SEC24B: variants seen among roughly 807,000 people sequenced by gnomAD.
SEC24B encodes SEC24 homolog B, COPII component, also known as protein transport protein Sec24B.
In SEC24B, 45 loss-of-function variants were observed where a neutral mutation model predicts 142.8. The ratio of observed to expected loss-of-function variants is 0.32; its 90% CI spans 0.25 to 0.40. The LOEUF is 0.40. SEC24B is among the 10% of genes least tolerant of loss of function. The pLI is 1.00. For synonymous variants in SEC24B, 574 were observed against 568.2 expected (o/e 1.01, Z -0.15); for missense variants, 1,409 against 1,526.8 (o/e 0.92, Z 1.29).
chr4:109,530,060 A>T (rs1724726036), intron 18 of SEC24B, among the ~76,000 whole-genome samples: 1 of 152,164 alleles, frequency 6.6e-6, no homozygotes, highest in African/African-American at 2.4e-5. Flanking sequence ...GACTTAAGAG[A>T]TTAAAACAAA....
At chr4:109,439,145 C>T (rs1728676003) in intron 1 of SEC24B, among the ~76,000 whole-genome samples, 1 of 152,080 alleles carries the variant, frequency 6.6e-6, no homozygotes, top group African/African-American at 2.4e-5. Context: ...AGTTTTATCA[C>T]TTTAATTGTT....
At position 109,534,956 on chromosome 4, in the gene SEC24B, G is replaced by A. The variant is rs187539072; in HGVS notation, c.3588+1271G>A. Among the ~76,000 whole-genome samples, 121 of 152,276 alleles carry A rather than the reference G, an allele frequency of 7.9e-4. 2 individuals carry two copies. The South Asian group carries it at 0.021, about 26-fold the overall frequency. On this transcript the variant is annotated intron_variant, in intron 22 of 23. Coordinates refer to ENST00000265175, the MANE Select transcript of SEC24B (RefSeq NM_006323.5). The stretch of plus-strand genomic sequence containing the variant: ...GCCTCCCAGAGTGCTGGGATTACAG[G>A]TGTGAGCCACGGTGCTTGGCCAGTT...
intron 10 of SEC24B, among the ~76,000 whole-genome samples, chr4:109,515,554 C>A (rs578236156): frequency 3.0e-4 from 46 of 152,102 alleles, no homozygotes; most frequent in South Asian, 6.2e-4. Flanking sequence ...TCTCAAACTC[C>A]TGGGCCCGAG....
chr4:109,533,751 T>C (rs903951027), intron 22 of SEC24B, 66 bp downstream of exon 22: 14 of 952,632 alleles, frequency 1.5e-5, no homozygotes, highest in Non-Finnish European at 2.2e-5. Flanking sequence ...GTAAAATTCA[T>C]GTAATATTCA....
chr4:109,466,542 C>G (rs920206502), intron 2 of SEC24B, among the ~76,000 whole-genome samples: 3 of 152,180 alleles, frequency 2.0e-5, no homozygotes, highest in Admixed American at 2.0e-4. Flanking sequence ...TGCCGAGTAG[C>G]TGGGACTAGC....
chr4:109,465,855 G>C (rs1731802580), intron 2 of SEC24B, among the ~76,000 whole-genome samples: 1 of 152,098 alleles, frequency 6.6e-6, no homozygotes, highest in Non-Finnish European at 1.5e-5. Flanking sequence ...TAGGCAGAGA[G>C]GCAGGATATA....
chr4:109,483,036 A>T lies in SEC24B; in HGVS notation c.1165+1255A>T, dbSNP rs1445149963. Among the ~76,000 whole-genome samples the T allele has an allele frequency of 4.6e-4, 50 of 108,668 alleles. 2 individuals are homozygous for T. The highest frequency in any genetic ancestry group is 3.9e-3 in the African/African-American group (48 of 12,344). 71.3% of individuals were successfully genotyped at this position (108,668 alleles called of 152,430 possible). ...ACATATGTTTTTTATATATGTATTT[A>T]TATATATGTATTTATGTATTTATAT... On this transcript the variant is annotated intron_variant, in intron 4 of 23. Transcript: ENST00000265175.
chr4:109,470,348 A>G (rs1732382814), intron 2 of SEC24B, among the ~76,000 whole-genome samples: 1 of 152,210 alleles, frequency 6.6e-6, no homozygotes, highest in Non-Finnish European at 1.5e-5. Flanking sequence ...CTAAGATTCT[A>G]CTTTCTAACA....
chr4:109,468,539 A>C (rs1274407492), intron 2 of SEC24B, among the ~76,000 whole-genome samples: 3 of 152,240 alleles, frequency 2.0e-5, no homozygotes, highest in Non-Finnish European at 4.4e-5. Context: ...AGCCATTAAA[A>C]GTTTATAAGC....
At chr4:109,482,979 T>TATATATACAC (rs781527364) in intron 4 of SEC24B, among the ~76,000 whole-genome samples, 5 of 26,414 alleles carry the variant, frequency 1.9e-4, no homozygotes, top group Non-Finnish European at 3.8e-4. Flanking sequence ...TATATATATA[T>TATATATACAC]ACACACACAC....
At chr4:109,475,042 G>C (rs1343099929) in intron 3 of SEC24B, among the ~76,000 whole-genome samples, 1 of 152,146 alleles carries the variant, frequency 6.6e-6, no homozygotes, top group Non-Finnish European at 1.5e-5. Context: ...CAAAGCAAAA[G>C]ATTTTTTAAC....
rs113142388 is a variant in SEC24B, at chr4:109,449,294, G to C, written c.134-13607G>C. The C allele has an allele frequency of 9.7e-3, 3,255 of 335,516 alleles. 108 individuals are homozygous for C. Among genetic ancestry groups the C allele is most frequent in the African/African-American group, 0.066 (3,028 of 45,560 alleles). 20.8% of individuals were successfully genotyped at this position (335,516 alleles called of 1,614,324 possible). Reference sequence around the variant, plus strand: ...GTTGGAGTATAGTGGCTCAATCATGGTTCACTGAAGCCTTGACCTCCCAGG... The same window carrying C: ...GTTGGAGTATAGTGGCTCAATCATGCTTCACTGAAGCCTTGACCTCCCAGG... On this transcript the variant is annotated intron_variant, in intron 1 of 23. Transcript: ENST00000265175.
At chr4:109,458,535 A>G (rs1357812927) in intron 1 of SEC24B, among the ~76,000 whole-genome samples, 1 of 152,226 alleles carries the variant, frequency 6.6e-6, no homozygotes, top group Non-Finnish European at 1.5e-5. Context: ...TTACCTACAG[A>G]TCTATTTATT....
chr4:109,531,664 G>A, intron 20 of SEC24B, 142 bp downstream of exon 20: 1 of 583,378 alleles, frequency 1.7e-6, no homozygotes, highest in Admixed American at 3.1e-5. Context: ...ATTAAATAAG[G>A]ACACTGGCTG....
rs777773190 is a variant in SEC24B at position 109,521,527 on chromosome 4, A to C, written c.2409A>C (p.Pro803=). 8.1e-6 allele frequency: 13 copies of C among 1,614,092 alleles called. No homozygotes were observed. Among genetic ancestry groups the C allele is most frequent in the Non-Finnish European group, 8.5e-7 (1 of 1,179,936 alleles). ...AGGCTGCCTTTAAATTAATGTCTCC[A>C]ACAGGTGGCCGTGTGTCTGTATTTC... ...ALQAAFKLMS[P]TGGRVSVFQT... Residue 803 remains proline (P), a synonymous_variant, in exon 14 of 24, where the codon CCA becomes CCC. Transcript: ENST00000265175.
At chr4:109,532,767 C>A in intron 21 of SEC24B, 24 bp downstream of exon 21, 1 of 1,191,708 alleles carries the variant, frequency 8.4e-7, no homozygotes, top group Non-Finnish European at 1.3e-6. Flanking sequence ...ACTGGCAAAG[C>A]TTAACACTGT....
chr4:109,535,245 T>G lies in SEC24B; in HGVS notation c.3588+1560T>G, dbSNP rs564444728. ...CTGCCAAACTGTTTTCCAACAACTT[T>G]AACTTTGGGTTTAAATTATTTTGCT... On this transcript the variant is annotated intron_variant, in intron 22 of 23. Transcript: ENST00000265175. Among the ~76,000 whole-genome samples, 4 of 152,290 alleles carry G rather than the reference T, an allele frequency of 2.6e-5. No homozygotes were observed. The East Asian group carries it at 7.7e-4, about 29-fold the overall frequency.
chr4:109,444,744 C>T (rs1014442155), intron 1 of SEC24B, among the ~76,000 whole-genome samples: 14 of 151,388 alleles, frequency 9.2e-5, no homozygotes, highest in African/African-American at 3.4e-4. Context: ...TCAGGCTGAC[C>T]AGCTGAGCAG....
intron 3 of SEC24B, among the ~76,000 whole-genome samples, chr4:109,473,786 T>C (rs35950484): frequency 0.078 from 11,838 of 152,310 alleles, 592 homozygotes; most frequent in Middle Eastern, 0.18. Flanking sequence ...GTTTTTGTTT[T>C]TGTTTTTGTT....
Sources: allele counts gnomAD v4.1 joint callset (sites outside exome capture counted in the v4.1 genomes callset), GRCh38; gene constraint gnomAD v4.1.1; transcripts MANE v1.5; gene names NCBI Gene and HGNC (gene_info 2026-07-23, HGNC 2026-07-21).